The following SEMA3E variants were observed in gnomAD, a reference collection of about 807,000 sequenced individuals.
SEMA3E encodes semaphorin-3E.
SEMA3E carries 49 observed loss-of-function variants against 93.6 expected under a neutral mutation model. The observed-to-expected ratio is 0.52, with a 90% CI of 0.42 to 0.66. SEMA3E has a LOEUF of 0.66. Ranked by LOEUF, SEMA3E falls within the 30% of genes least tolerant of loss-of-function variation. The probability of loss-of-function intolerance (pLI) is 0.00; values close to 1 mark genes in which losing one functional copy is unlikely to be tolerated. For synonymous variants in SEMA3E, 363 were observed against 330.7 expected (o/e 1.10, Z -1.06); for missense variants, 906 against 964.8 (o/e 0.94, Z 0.81).
At chr7:83,587,966 T>G (rs1792667228) in intron 1 of SEMA3E, among the ~76,000 whole-genome samples, 1 of 152,096 alleles carries the variant, frequency 6.6e-6, no homozygotes, top group African/African-American at 2.4e-5. Context: ...ATTTGCTTAT[T>G]ATGTATTTAA....
intron 1 of SEMA3E, among the ~76,000 whole-genome samples, chr7:83,524,562 G>C (rs1476298817): frequency 6.6e-6 from 1 of 152,076 alleles, no homozygotes; most frequent in Non-Finnish European, 1.5e-5. Context: ...ATTGTACATA[G>C]TATAGAATTG....
intron 1 of SEMA3E, among the ~76,000 whole-genome samples, chr7:83,617,069 T>G (rs1793385745): frequency 6.6e-6 from 1 of 152,092 alleles, no homozygotes; most frequent in South Asian, 2.1e-4. Flanking sequence ...AATAATCAAT[T>G]TGGTTACAAT....
chr7:83,425,068 C>T (rs1788742633), intron 4 of SEMA3E: 2 of 160,992 alleles, frequency 1.2e-5, no homozygotes, highest in Non-Finnish European at 2.7e-5. Context: ...CGGATCAGTG[C>T]TCCATCCAGG....
intron 1 of SEMA3E, among the ~76,000 whole-genome samples, chr7:83,516,958 T>G (rs1225216713): frequency 1.3e-5 from 2 of 149,842 alleles, no homozygotes; most frequent in Non-Finnish European, 3.0e-5. Context: ...TATATATATA[T>G]GTATATAAAA....
intron 12 of SEMA3E, 82 bp downstream of exon 12, chr7:83,396,556 A>T: frequency 3.6e-6 from 3 of 832,848 alleles, no homozygotes; most frequent in Non-Finnish European, 6.0e-6. Flanking sequence ...GGGAAAAAAA[A>T]ATGGACATAG....
In SEMA3E at chr7:83,648,653, C is replaced by A. The variant is rs1447930798; in HGVS notation, c.-111G>T. The A allele has an allele frequency of 1.3e-6, 1 of 796,264 alleles. No individual in the cohort carries two copies. Among genetic ancestry groups the A allele is most frequent in the Non-Finnish European group, 2.2e-6 (1 of 458,252 alleles). 49.3% of individuals were successfully genotyped at this position (796,264 alleles called of 1,614,324 possible). ...GCGAGAGGCTTTGTCAGAAATCGAA[C>A]GCGTTGTCATCAGAAAGCACAGTTC... On this transcript the variant is annotated 5_prime_UTR_variant, in exon 1 of 17. Coordinates refer to ENST00000643230, the MANE Select transcript of SEMA3E (RefSeq NM_012431.3).
chr7:83,604,610 T>A (rs1793068664), intron 1 of SEMA3E, among the ~76,000 whole-genome samples: 1 of 151,440 alleles, frequency 6.6e-6, no homozygotes, highest in African/African-American at 2.4e-5. Context: ...CACATATATA[T>A]ATGTACACAC....
At chr7:83,503,325 G>C (rs1790633974) in intron 1 of SEMA3E, among the ~76,000 whole-genome samples, 2 of 152,072 alleles carry the variant, frequency 1.3e-5, no homozygotes, top group South Asian at 4.2e-4. Context: ...TTATTTCCTA[G>C]GAAGTTTGTT....
Position 83,615,903 on chromosome 7 carries a change from G to A in SEMA3E, c.115+32525C>T, listed in dbSNP as rs1793357241. Among the ~76,000 whole-genome samples the A allele has an allele frequency of 4.6e-5, 7 of 151,850 alleles. 1 individual carries two copies. In the South Asian group the frequency reaches 1.4e-3, roughly 31 times the overall value. ...AATCTCTCTCTCTCTCTCCAGAGGGGTTTATTTACTACACAGAATTTTTTC... is the reference window on the plus strand; with the variant it reads ...AATCTCTCTCTCTCTCTCCAGAGGGATTTATTTACTACACAGAATTTTTTC... On this transcript the variant is annotated intron_variant, in intron 1 of 16. Transcript: ENST00000643230.
intron 1 of SEMA3E, among the ~76,000 whole-genome samples, chr7:83,553,314 C>T (rs1791808443): frequency 6.6e-6 from 1 of 152,198 alleles, no homozygotes; most frequent in Non-Finnish European, 1.5e-5. Flanking sequence ...CTACAGTCCT[C>T]CACTTAGCAG....
chr7:83,404,370 C>A (rs1017795347), intron 9 of SEMA3E, among the ~76,000 whole-genome samples: 1 of 151,810 alleles, frequency 6.6e-6, no homozygotes, highest in Non-Finnish European at 1.5e-5. Context: ...AAAGACCCCA[C>A]GTAAGCACAG....
chr7:83,583,477 G>A (rs531943420), intron 1 of SEMA3E, among the ~76,000 whole-genome samples: 1 of 152,174 alleles, frequency 6.6e-6, no homozygotes, highest in South Asian at 2.1e-4. Context: ...ACATAGCTGG[G>A]GGCATTCTCC....
chr7:83,480,264 A>T (rs1562800680), intron 2 of SEMA3E, among the ~76,000 whole-genome samples: 1 of 152,200 alleles, frequency 6.6e-6, no homozygotes, highest in East Asian at 1.9e-4. Flanking sequence ...AACATGGTGA[A>T]ACTGTCTCCA....
At chr7:83,635,063 T>A (rs778428352) in intron 1 of SEMA3E, among the ~76,000 whole-genome samples, 21 of 152,068 alleles carry the variant, frequency 1.4e-4, no homozygotes, top group Non-Finnish European at 7.4e-5. Context: ...TAGTACTCAT[T>A]CTAACCAATT....
intron 1 of SEMA3E, among the ~76,000 whole-genome samples, chr7:83,593,832 C>T (rs930745973): frequency 8.5e-5 from 13 of 152,106 alleles, no homozygotes; most frequent in Admixed American, 7.2e-4. Context: ...GCAGTGTATC[C>T]ATATATTTTT....
At chr7:83,380,042 T>C (rs543926209) in intron 16 of SEMA3E, among the ~76,000 whole-genome samples, 8 of 152,020 alleles carry the variant, frequency 5.3e-5, no homozygotes, top group African/African-American at 1.7e-4. Context: ...GAATGATTTA[T>C]AAGAGCTTCC....
chr7:83,567,744 G>C (rs1292828342), intron 1 of SEMA3E, among the ~76,000 whole-genome samples: 1 of 151,896 alleles, frequency 6.6e-6, no homozygotes, highest in Non-Finnish European at 1.5e-5. Flanking sequence ...AAACCTGTGG[G>C]ATAAAGCAAA....
intron 1 of SEMA3E, among the ~76,000 whole-genome samples, chr7:83,631,590 C>CAT: frequency 6.6e-6 from 1 of 152,254 alleles, no homozygotes; most frequent in South Asian, 2.1e-4. Context: ...ATAGCAGAAC[C>CAT]ATATAGTCTT....
chr7:83,442,396 G>A (rs1789132868), intron 4 of SEMA3E, among the ~76,000 whole-genome samples: 1 of 152,108 alleles, frequency 6.6e-6, no homozygotes, highest in Admixed American at 6.6e-5. Flanking sequence ...ACTCAGTTCT[G>A]TTTGGAAACA....
Sources: allele counts gnomAD v4.1 joint callset (sites outside exome capture counted in the v4.1 genomes callset), GRCh38; gene constraint gnomAD v4.1.1; transcripts MANE v1.5; gene names NCBI Gene and HGNC (gene_info 2026-07-23, HGNC 2026-07-21).